The following PHACTR1 variants were observed in gnomAD, a reference collection of about 807,000 sequenced individuals.
PHACTR1 encodes the protein phosphatase and actin regulator 1, also known as RPEL repeat containing 1.
PHACTR1 carries 16 observed loss-of-function variants against 69.2 expected under a neutral mutation model. The observed-to-expected ratio is 0.23, with a 90% CI of 0.16 to 0.35. The LOEUF (loss-of-function observed/expected upper bound fraction) is 0.35, where lower values mean the gene tolerates loss of function less well. PHACTR1 is among the 10% of genes least tolerant of loss of function. PHACTR1 has a pLI of 1.00. For missense variants in PHACTR1, 510 were observed against 734.7 expected (o/e 0.69, Z 3.54); for synonymous variants, 312 against 284.5 (o/e 1.10, Z -0.97).
At chr6:13,057,110 T>G (rs965817981) in intron 5 of PHACTR1, among the ~76,000 whole-genome samples, 1 of 152,168 alleles carries the variant, frequency 6.6e-6, no homozygotes, top group Non-Finnish European at 1.5e-5. Flanking sequence ...TTAAGAATTT[T>G]TTATACATTT....
intron 5 of PHACTR1, among the ~76,000 whole-genome samples, chr6:13,139,860 C>T (rs1326603865): frequency 6.6e-6 from 1 of 152,118 alleles, no homozygotes; most frequent in Non-Finnish European, 1.5e-5. Flanking sequence ...ACCCTTCCTC[C>T]TAACTTACTC....
intron 4 of PHACTR1, among the ~76,000 whole-genome samples, chr6:12,937,879 T>A (rs997999664): frequency 6.6e-6 from 1 of 152,202 alleles, no homozygotes; most frequent in Non-Finnish European, 1.5e-5. Context: ...GGCATGCTGA[T>A]CACTTGAGGT....
intron 3 of PHACTR1, among the ~76,000 whole-genome samples, chr6:12,741,317 T>C (rs1303412644): frequency 2.0e-5 from 3 of 152,052 alleles, no homozygotes; most frequent in Non-Finnish European, 4.4e-5. Flanking sequence ...AAAATATTCT[T>C]TTATGAAAAA....
At chr6:12,966,523 A>G in intron 4 of PHACTR1, among the ~76,000 whole-genome samples, 1 of 152,214 alleles carries the variant, frequency 6.6e-6, no homozygotes, top group South Asian at 2.1e-4. Context: ...AATGTTAATG[A>G]TACCTGACCT....
At chr6:13,281,399 CA>C (rs1325548109) in intron 12 of PHACTR1, 1 of 305,302 alleles carries the variant, frequency 3.3e-6, no homozygotes, top group South Asian at 2.6e-5. Context: ...ATTAAAAATA[CA>C]AAAATTAGCC....
chr6:12,856,255 CTT>C (rs66541950), intron 4 of PHACTR1, among the ~76,000 whole-genome samples: 1 of 135,800 alleles, frequency 7.4e-6, no homozygotes, highest in Non-Finnish European at 1.5e-5. Flanking sequence ...TTCTTTCTTT[CTT>C]TTTTTTTTTT....
chr6:12,934,106 T>G, intron 4 of PHACTR1: 3 of 908,498 alleles, frequency 3.3e-6, no homozygotes, highest in Non-Finnish European at 4.7e-6. Flanking sequence ...CCTTCTTGTG[T>G]CTTCCAGCTT....
intron 4 of PHACTR1, among the ~76,000 whole-genome samples, chr6:12,972,215 G>A (rs941301209): frequency 2.6e-5 from 4 of 152,160 alleles, no homozygotes; most frequent in Admixed American, 6.5e-5. Flanking sequence ...CAGACCAGAC[G>A]GGAAGTGGCA....
intron 12 of PHACTR1, among the ~76,000 whole-genome samples, chr6:13,281,841 C>G (rs1484611204): frequency 6.6e-6 from 1 of 152,212 alleles, no homozygotes; most frequent in Non-Finnish European, 1.5e-5. Context: ...CAGGCCCACA[C>G]TGGTGCCAGA....
At chr6:12,943,633 A>C (rs141881938) in intron 4 of PHACTR1, among the ~76,000 whole-genome samples, 1 of 152,334 alleles carries the variant, frequency 6.6e-6, no homozygotes, top group Non-Finnish European at 1.5e-5. Flanking sequence ...TCCTCAAATA[A>C]TTTAGAAATA....
intron 3 of PHACTR1, 105 bp downstream of exon 3, chr6:12,718,952 C>T (rs763198538): frequency 1.3e-4 from 73 of 570,476 alleles, no homozygotes; most frequent in East Asian, 9.7e-4. Flanking sequence ...GTTTAATAAC[C>T]GGTATTTCTA....
chr6:12,950,829 T>C (rs1791200135), intron 4 of PHACTR1, among the ~76,000 whole-genome samples: 1 of 152,134 alleles, frequency 6.6e-6, no homozygotes, highest in South Asian at 2.1e-4. Context: ...GAACTAGAAT[T>C]CCATCCCAGG....
chr6:13,125,204 T>C (rs1031160933), intron 5 of PHACTR1, among the ~76,000 whole-genome samples: 17 of 152,226 alleles, frequency 1.1e-4, no homozygotes. Context: ...CAGGGACAGA[T>C]GAAGAGTAAC....
chr6:13,278,756 G>A (rs911184796), intron 12 of PHACTR1, among the ~76,000 whole-genome samples: 3 of 152,178 alleles, frequency 2.0e-5, no homozygotes, highest in Non-Finnish European at 2.9e-5. Context: ...CCAGGAGTTC[G>A]AGACCAGCCT....
At position 13,083,784 on chromosome 6, in the gene PHACTR1, T is replaced by C. The variant is rs561194502; in HGVS notation, c.415+30255T>C. Reference sequence around the variant, plus strand: ...TGTATAAGAATGCTTGTGATTTTTGTACATTGATTTTGTATCCTGAGACTT... The same window carrying C: ...TGTATAAGAATGCTTGTGATTTTTGCACATTGATTTTGTATCCTGAGACTT... On this transcript the variant is annotated intron_variant, in intron 5 of 14. Transcript: ENST00000332995. Among the ~76,000 whole-genome samples the C allele has an allele frequency of 2.3e-4, 35 of 152,154 alleles. 1 individual carries two copies. Among genetic ancestry groups the C allele is most frequent in the Non-Finnish European group, 4.0e-4 (27 of 67,980 alleles).
At chr6:12,847,848 C>T (rs769435767) in intron 4 of PHACTR1, among the ~76,000 whole-genome samples, 1 of 152,056 alleles carries the variant, frequency 6.6e-6, no homozygotes, top group African/African-American at 2.4e-5. Flanking sequence ...AAAGCTAAGG[C>T]TTAAAGGAAC....
Position 13,017,223 on chromosome 6 carries a change from C to T in PHACTR1, c.251-36142C>T, listed in dbSNP as rs139442332. Among the ~76,000 whole-genome samples, 12 of 142,100 alleles carry T rather than the reference C, an allele frequency of 8.4e-5. No individual in the cohort carries two copies. The East Asian group carries it at 2.2e-3, about 26-fold the overall frequency. The allele number at this position is 142,100 out of a possible 152,430, so 93.2% of individuals were successfully genotyped here. ...AAAAAAAAAAATGCATCAACAACAA[C>T]CAAGACACTTTCCACTGTACCTACC... On this transcript the variant is annotated intron_variant, in intron 4 of 14. Coordinates refer to ENST00000332995, the MANE Select transcript of PHACTR1 (RefSeq NM_030948.6).
intron 4 of PHACTR1, among the ~76,000 whole-genome samples, chr6:13,042,282 T>C (rs939409891): frequency 6.6e-6 from 1 of 152,212 alleles, no homozygotes; most frequent in Admixed American, 6.5e-5. Context: ...CATTAGGCAT[T>C]TTAAAATTAT....
intron 4 of PHACTR1, among the ~76,000 whole-genome samples, chr6:12,959,058 T>A (rs897111724): frequency 6.6e-6 from 1 of 151,140 alleles, no homozygotes; most frequent in Non-Finnish European, 1.5e-5. Flanking sequence ...ACACCTGTAG[T>A]CCCAGCTACT....
Sources: gnomAD v4.1 joint callset for allele counts (sites outside exome capture counted in the v4.1 genomes callset) on GRCh38, gnomAD v4.1.1 for gene constraint, MANE v1.5 for transcripts, NCBI Gene and HGNC (gene_info 2026-07-23, HGNC 2026-07-21) for gene names.